Variants in LHFPL3 observed in about 807,000 individuals in gnomAD.
The protein encoded by LHFPL3 is LHFPL tetraspan subfamily member 3.
LHFPL3 carries 5 observed loss-of-function variants against 19.3 expected under a neutral mutation model. The ratio of observed to expected loss-of-function variants is 0.26; its 90% CI spans 0.14 to 0.54. LHFPL3 has a LOEUF of 0.54. Ranked by LOEUF, LHFPL3 falls within the 20% of genes least tolerant of loss-of-function variation. The pLI, the probability that LHFPL3 is intolerant of heterozygous loss-of-function variation, is 0.94. For missense variants in LHFPL3, 249 were observed against 307.4 expected (o/e 0.81, Z 1.42); for synonymous variants, 133 against 126.2 (o/e 1.05, Z -0.36).
chr7:104,334,076 T>A lies in LHFPL3; in HGVS notation c.445+4852T>A, dbSNP rs577965892. Reference sequence around the variant, plus strand: ...TGTCTGGTTTACAGTAAGTAGGCCCTCTGTGAGTGTTGGGTATGGTTGCTG... The same window carrying A: ...TGTCTGGTTTACAGTAAGTAGGCCCACTGTGAGTGTTGGGTATGGTTGCTG... On this transcript the variant is annotated intron_variant, in intron 1 of 2. Coordinates refer to ENST00000424859, the MANE Select transcript of LHFPL3 (RefSeq NM_199000.3). 1.5e-4 allele frequency among the ~76,000 whole-genome samples: 23 copies of A among 152,334 alleles called. No homozygotes were observed. The East Asian group carries it at 4.4e-3, about 29-fold the overall frequency.
chr7:104,520,914 A>AT, intron 1 of LHFPL3, among the ~76,000 whole-genome samples: 1 of 150,104 alleles, frequency 6.7e-6, no homozygotes, highest in South Asian at 2.1e-4. Context: ...GGATTCATTA[A>AT]TTTTTTGAAG....
intron 2 of LHFPL3, among the ~76,000 whole-genome samples, chr7:104,796,073 G>A (rs1017850278): frequency 5.9e-5 from 9 of 152,248 alleles, no homozygotes; most frequent in Admixed American, 1.3e-4. Context: ...TTCAGCTCAC[G>A]TATGGGATGT....
chr7:104,673,916 T>C (rs927778923), intron 1 of LHFPL3, among the ~76,000 whole-genome samples: 1 of 152,154 alleles, frequency 6.6e-6, no homozygotes, highest in South Asian at 2.1e-4. Flanking sequence ...TCTGCATAGT[T>C]CATCAAATGA....
chr7:104,331,076 C>G (rs1358208270), intron 1 of LHFPL3, among the ~76,000 whole-genome samples: 1 of 152,194 alleles, frequency 6.6e-6, no homozygotes, highest in Non-Finnish European at 1.5e-5. Context: ...TAACCCCCCG[C>G]TTTTTGAAAG....
chr7:104,802,489 C>G (rs1391595099), intron 2 of LHFPL3, among the ~76,000 whole-genome samples: 1 of 94,298 alleles, frequency 1.1e-5, no homozygotes, highest in African/African-American at 4.1e-5. Context: ...CCAACCCTAT[C>G]TCAAAAAAAA....
In LHFPL3 at chr7:104,843,815, T is replaced by C. The variant is rs559167338; in HGVS notation, c.683-62372T>C. Among the ~76,000 whole-genome samples the C allele has an allele frequency of 6.6e-5, 10 of 152,190 alleles. No individual in the cohort carries two copies. In the South Asian group the frequency reaches 1.9e-3, roughly 28 times the overall value. On this transcript the variant is annotated intron_variant, in intron 2 of 2. Transcript: ENST00000424859. ...ATAGGAGGTATTGGAGGGGAAGGAA[T>C]TGGGTGTCCAGAAGGAGAGGACAAG...
In LHFPL3 at chr7:104,331,158, T is replaced by C. The variant is rs150004582; in HGVS notation, c.445+1934T>C. 9.2e-3 allele frequency among the ~76,000 whole-genome samples: 1,406 copies of C among 152,284 alleles called. 86 individuals carry two copies. Among genetic ancestry groups the C allele is most frequent in the Admixed American group, 0.086 (1,308 of 15,290 alleles). On this transcript the variant is annotated intron_variant, in intron 1 of 2. Coordinates refer to ENST00000424859, the MANE Select transcript of LHFPL3 (RefSeq NM_199000.3). ...AATACAAACTGCAACCATTACAAGG[T>C]TTTTTTGTTTTGTTTCGTTTTTCTC...
intron 1 of LHFPL3, among the ~76,000 whole-genome samples, chr7:104,593,904 G>T (rs760694444): frequency 3.3e-5 from 5 of 151,942 alleles, no homozygotes; most frequent in South Asian, 4.2e-4. Flanking sequence ...TTGGTAGATC[G>T]TCCTCCATCC....
chr7:104,886,980 C>T (rs1792162203), intron 2 of LHFPL3, among the ~76,000 whole-genome samples: 1 of 152,232 alleles, frequency 6.6e-6, no homozygotes, highest in Admixed American at 6.5e-5. Context: ...AAGAGGCTCA[C>T]TTGCTCTGAA....
intron 1 of LHFPL3, among the ~76,000 whole-genome samples, chr7:104,553,712 TA>T (rs749880321): frequency 3.4e-4 from 52 of 152,334 alleles, no homozygotes; most frequent in South Asian, 1.0e-3. Context: ...AACCACAGAA[TA>T]TTGAGATCAC....
chr7:104,723,722 CAAAAAAAAA>C (rs1167618176), intron 1 of LHFPL3, among the ~76,000 whole-genome samples: 10 of 46,944 alleles, frequency 2.1e-4, no homozygotes, highest in African/African-American at 6.8e-4. Context: ...ACTATGTCTC[CAAAAAAAAA>C]AAAAAAAAAA....
intron 1 of LHFPL3, among the ~76,000 whole-genome samples, chr7:104,422,413 C>A (rs537084382): frequency 6.6e-6 from 1 of 152,028 alleles, no homozygotes. Flanking sequence ...TGTAACCCAT[C>A]CAGTCTATGG....
intron 1 of LHFPL3, among the ~76,000 whole-genome samples, chr7:104,692,712 A>G (rs1186912223): frequency 6.6e-6 from 1 of 152,220 alleles, no homozygotes; most frequent in African/African-American, 2.4e-5. Context: ...GGGGACCTCT[A>G]CCTAGATTTC....
chr7:104,549,831 G>A (rs905873550), intron 1 of LHFPL3, among the ~76,000 whole-genome samples: 2 of 152,106 alleles, frequency 1.3e-5, no homozygotes, highest in Non-Finnish European at 2.9e-5. Context: ...TGCAGAAGGA[G>A]GACAGAGATG....
chr7:104,889,503 G>T (rs143762771), intron 2 of LHFPL3, among the ~76,000 whole-genome samples: 1 of 152,124 alleles, frequency 6.6e-6, no homozygotes, highest in Non-Finnish European at 1.5e-5. Flanking sequence ...AGCCAGGTGT[G>T]GTGTCACAAG....
intron 1 of LHFPL3, among the ~76,000 whole-genome samples, chr7:104,724,114 G>A (rs958429278): frequency 4.6e-5 from 7 of 151,718 alleles, no homozygotes; most frequent in African/African-American, 9.8e-5. Context: ...TTAGGATTAG[G>A]AGCAGCTGTT....
At chr7:104,614,811 C>T (rs1274118163) in intron 1 of LHFPL3, among the ~76,000 whole-genome samples, 1 of 150,920 alleles carries the variant, frequency 6.6e-6, no homozygotes, top group Non-Finnish European at 1.5e-5. Flanking sequence ...AATGCAGTGG[C>T]ACAATCACAG....
At chr7:104,468,743 C>T (rs951591659) in intron 1 of LHFPL3, among the ~76,000 whole-genome samples, 15 of 151,192 alleles carry the variant, frequency 9.9e-5, no homozygotes, top group African/African-American at 3.4e-4. Flanking sequence ...ACTGCAACCT[C>T]CACCTCGCGG....
chr7:104,528,409 AAG>A (rs1181732980), intron 1 of LHFPL3, among the ~76,000 whole-genome samples: 2 of 152,208 alleles, frequency 1.3e-5, no homozygotes, highest in African/African-American at 4.8e-5. Context: ...AGACTTCAAT[AAG>A]AGGAGCTTTC....
Sources: gnomAD v4.1 joint callset for allele counts (sites outside exome capture counted in the v4.1 genomes callset) on GRCh38, gnomAD v4.1.1 for gene constraint, MANE v1.5 for transcripts, NCBI Gene and HGNC (gene_info 2026-07-23, HGNC 2026-07-21) for gene names.